Variants in ZRANB3 observed in about 807,000 individuals in gnomAD.
The protein encoded by ZRANB3 is zinc finger RANBP2-type containing 3.
ZRANB3 carries 125 observed loss-of-function variants against 133.8 expected under a neutral mutation model. That is an observed-to-expected ratio of 0.93 (90% CI 0.81 to 1.08). The LOEUF is 1.08. ZRANB3 is among the 50% of genes least tolerant of loss of function. The pLI is 0.00. For missense variants in ZRANB3, 1,229 were observed against 1,275.5 expected, an observed-to-expected ratio of 0.96 and a Z score of 0.56; for synonymous variants, 387 against 432.7, an observed-to-expected ratio of 0.89 and a Z score of 1.31.
chr2:135,261,961 A>G (rs1679985961), intron 12 of ZRANB3, among the ~76,000 whole-genome samples: 1 of 152,082 alleles, frequency 6.6e-6, no homozygotes, highest in African/African-American at 2.4e-5. Flanking sequence ...GGAGCTGGAG[A>G]CCAGCCTGGG....
At chr2:135,430,379 G>C (rs943266081) in intron 2 of ZRANB3, among the ~76,000 whole-genome samples, 1 of 151,392 alleles carries the variant, frequency 6.6e-6, no homozygotes, top group Non-Finnish European at 1.5e-5. Flanking sequence ...ACAGAGTTTA[G>C]TTTTACTTCA....
chr2:135,375,922 T>C (rs1686411038), intron 3 of ZRANB3, among the ~76,000 whole-genome samples: 1 of 152,178 alleles, frequency 6.6e-6, no homozygotes, highest in Non-Finnish European at 1.5e-5. Context: ...TCCCAAAAGA[T>C]ATATTGAAGT....
intron 9 of ZRANB3, among the ~76,000 whole-genome samples, chr2:135,274,001 A>G (rs1680664522): frequency 6.6e-6 from 1 of 152,212 alleles, no homozygotes; most frequent in African/African-American, 2.4e-5. Flanking sequence ...TTCTTGCCCA[A>G]TCATTTAAAA....
chr2:135,371,297 C>A (rs1368120781), intron 3 of ZRANB3, among the ~76,000 whole-genome samples: 1 of 152,170 alleles, frequency 6.6e-6, no homozygotes, highest in Non-Finnish European at 1.5e-5. Flanking sequence ...GCAACATTTT[C>A]TTTACGATGC....
intron 3 of ZRANB3, among the ~76,000 whole-genome samples, chr2:135,362,774 C>G (rs180953958): frequency 6.6e-6 from 1 of 152,128 alleles, no homozygotes; most frequent in African/African-American, 2.4e-5. Context: ...CAGGTGCACA[C>G]CACTGTGCCC....
intron 12 of ZRANB3, among the ~76,000 whole-genome samples, chr2:135,231,796 C>T (rs1272187121): frequency 6.6e-6 from 1 of 150,910 alleles, no homozygotes; most frequent in African/African-American, 2.4e-5. Context: ...AAAAAAAAAA[C>T]ACACACAAAA....
intron 2 of ZRANB3, among the ~76,000 whole-genome samples, chr2:135,479,635 C>G (rs1691670699): frequency 1.3e-5 from 2 of 151,890 alleles, no homozygotes; most frequent in African/African-American, 4.8e-5. Flanking sequence ...CACTGCACTC[C>G]AGCCTGGGTG....
chr2:135,393,565 G>T (rs1179631248), intron 2 of ZRANB3, among the ~76,000 whole-genome samples: 1 of 151,904 alleles, frequency 6.6e-6, no homozygotes, highest in African/African-American at 2.4e-5. Flanking sequence ...ATGGAGGAGA[G>T]GCAACAATTA....
chr2:135,283,622 A>G (rs907967344), intron 8 of ZRANB3, among the ~76,000 whole-genome samples: 8 of 151,994 alleles, frequency 5.3e-5, no homozygotes, highest in Non-Finnish European at 7.4e-5. Context: ...TCTAAAAAAA[A>G]AAAAAAAACT....
intron 3 of ZRANB3, among the ~76,000 whole-genome samples, chr2:135,360,613 G>A (rs1685648847): frequency 6.6e-6 from 1 of 152,146 alleles, no homozygotes; most frequent in Non-Finnish European, 1.5e-5. Flanking sequence ...GCTGAGGCAG[G>A]AGAATGGCGT....
chr2:135,480,369 G>C (rs1239369832), intron 2 of ZRANB3, among the ~76,000 whole-genome samples: 1 of 152,068 alleles, frequency 6.6e-6, no homozygotes, highest in African/African-American at 2.4e-5. Context: ...TGAAGAAAAT[G>C]TTTGTTCACT....
At chr2:135,327,847 T>G (rs1196061184) in intron 6 of ZRANB3, among the ~76,000 whole-genome samples, 1 of 152,126 alleles carries the variant, frequency 6.6e-6, no homozygotes, top group Non-Finnish European at 1.5e-5. Context: ...ATATAGCCAA[T>G]AAAAATTATG....
intron 4 of ZRANB3, among the ~76,000 whole-genome samples, chr2:135,352,444 A>G (rs1169401753): frequency 6.6e-6 from 1 of 152,102 alleles, no homozygotes; most frequent in Non-Finnish European, 1.5e-5. Flanking sequence ...AGTCTTTTCA[A>G]TTTCATTCAG....
At chr2:135,271,557 T>C (rs1252522009) in intron 10 of ZRANB3, among the ~76,000 whole-genome samples, 1 of 152,198 alleles carries the variant, frequency 6.6e-6, no homozygotes, top group East Asian at 1.9e-4. Context: ...TTCAAAGACA[T>C]CCTTTCCTTG....
intron 2 of ZRANB3, among the ~76,000 whole-genome samples, chr2:135,412,933 T>A (rs1688376523): frequency 6.6e-6 from 1 of 152,186 alleles, no homozygotes; most frequent in Non-Finnish European, 1.5e-5. Flanking sequence ...TACACAAGGA[T>A]TTATTTGTAT....
intron 2 of ZRANB3, among the ~76,000 whole-genome samples, chr2:135,464,307 A>G (rs1690888840): frequency 6.6e-6 from 1 of 152,160 alleles, no homozygotes; most frequent in African/African-American, 2.4e-5. Flanking sequence ...ACAGCCCCAG[A>G]GCCCTCAATG....
At chr2:135,491,231 T>G (rs139925822) in intron 2 of ZRANB3, among the ~76,000 whole-genome samples, 2,270 of 152,304 alleles carry the variant, frequency 0.015, 25 homozygotes, top group Middle Eastern at 0.031. Context: ...GGTTTACAGA[T>G]GAGAACATAA....
intron 2 of ZRANB3, among the ~76,000 whole-genome samples, chr2:135,402,289 TTC>T (rs1292866763): frequency 6.8e-6 from 1 of 148,130 alleles, no homozygotes; most frequent in South Asian, 2.1e-4. Flanking sequence ...AGTTCATTCT[TTC>T]TCTCTTTTTT....
chr2:135,323,213 A>G (rs1165861917), intron 6 of ZRANB3, among the ~76,000 whole-genome samples: 4 of 152,334 alleles, frequency 2.6e-5, no homozygotes, highest in Non-Finnish European at 5.9e-5. Context: ...TTTAACAATG[A>G]AACAGTTTGA....
Sources: gnomAD v4.1 joint callset for allele counts (sites outside exome capture counted in the v4.1 genomes callset) on GRCh38, gnomAD v4.1.1 for gene constraint, MANE v1.5 for transcripts, NCBI Gene and HGNC (gene_info 2026-07-23, HGNC 2026-07-21) for gene names.